Variants in AFDN observed in about 807,000 individuals in gnomAD.
AFDN encodes afadin, adherens junction formation factor, also known as afadin.
AFDN carries 68 observed loss-of-function variants against 216.6 expected under a neutral mutation model. The ratio of observed to expected loss-of-function variants is 0.31; its 90% CI spans 0.26 to 0.38. AFDN has a LOEUF of 0.38. Among genes scored for constraint, AFDN ranks in the 10% least tolerant of loss-of-function variants. AFDN has a pLI of 1.00. For missense variants in AFDN, 2,136 were observed against 2,342.0 expected (o/e 0.91, Z 1.82); for synonymous variants, 868 against 853.7 (o/e 1.02, Z -0.29).
intron 22 of AFDN, 131 bp downstream of exon 22, chr6:167,923,090 A>G: frequency 1.7e-6 from 1 of 599,836 alleles, no homozygotes; most frequent in East Asian, 3.1e-5. Flanking sequence ...AAATACTGAT[A>G]TTCAGAAATT....
chr6:167,878,058 C>T (rs1280616630), intron 5 of AFDN, among the ~76,000 whole-genome samples: 2 of 151,990 alleles, frequency 1.3e-5, no homozygotes, highest in African/African-American at 4.8e-5. Flanking sequence ...ACTCTACTAC[C>T]ATTTATTGTT....
chr6:167,862,586 G>A (rs1783716903), intron 1 of AFDN, among the ~76,000 whole-genome samples: 1 of 152,190 alleles, frequency 6.6e-6, no homozygotes, highest in Non-Finnish European at 1.5e-5. Flanking sequence ...TCTTGGTCAG[G>A]CTGGTCTCGA....
Position 167,952,105 on chromosome 6 carries a change from A to G in AFDN, c.4751A>G (p.Asp1584Gly), listed in dbSNP as rs772774908. Reference protein sequence around the residue: ...QKRLQESKQKDEDDEEEEDDD... With the variant: ...QKRLQESKQKGEDDEEEEDDD... The stretch of plus-strand genomic sequence containing the variant: ...AGACTCCAGGAGTCGAAGCAGAAGG[A>G]CGAAGATGACGAGGAGGAGGAGGAC... The change falls in exon 30 of 34, where the codon GAC becomes GGC. Residue 1584 changes from aspartate (D) to glycine (G), a missense_variant. Around this residue, in one of 8 missense-constraint regions of AFDN, gnomAD observed 981 missense variants for 966.0 expected, o/e 1.02. Transcript: ENST00000683244. The G allele has an allele frequency of 6.2e-7, 1 of 1,614,156 alleles. No homozygotes were observed. The highest frequency in any genetic ancestry group is 8.5e-7 in the Non-Finnish European group (1 of 1,180,022).
intron 2 of AFDN, among the ~76,000 whole-genome samples, chr6:167,866,796 C>T (rs749450450): frequency 5.9e-5 from 9 of 152,160 alleles, no homozygotes; most frequent in African/African-American, 1.2e-4. Context: ...AGCAGCCACC[C>T]GAACCAGTTC....
intron 22 of AFDN, among the ~76,000 whole-genome samples, chr6:167,924,263 A>AGT (rs1329942423): frequency 6.6e-6 from 1 of 152,264 alleles, no homozygotes; most frequent in East Asian, 1.9e-4. Context: ...GTTCCTCCTT[A>AGT]GTGTGTATGC....
At chr6:167,840,879 G>A (rs910407060) in intron 1 of AFDN, among the ~76,000 whole-genome samples, 5 of 152,192 alleles carry the variant, frequency 3.3e-5, no homozygotes, top group African/African-American at 1.2e-4. Context: ...GGAGTGAAGG[G>A]AGGGAAGTTA....
intron 1 of AFDN, among the ~76,000 whole-genome samples, chr6:167,861,982 T>A (rs939159815): frequency 1.3e-5 from 2 of 152,222 alleles, no homozygotes; most frequent in Non-Finnish European, 2.9e-5. Context: ...GGGGTAGTTT[T>A]GCCAATGAAT....
rs533171590 is a variant in AFDN, at chr6:167,886,951, G to T, written c.898-2264G>T. Among the ~76,000 whole-genome samples the T allele has an allele frequency of 2.3e-3, 346 of 151,064 alleles. 3 individuals carry two copies. The highest frequency in any genetic ancestry group is 3.6e-3 in the Non-Finnish European group (246 of 67,840). The stretch of plus-strand genomic sequence containing the variant: ...AATCACTTGAACCCAGGAGGCGGAG[G>T]TTGCAGTGAGCTGAGATCGCACCAC... On this transcript the variant is annotated intron_variant, in intron 6 of 33. Coordinates refer to ENST00000683244, the MANE Select transcript of AFDN (RefSeq NM_001386888.1).
At chr6:167,833,554 C>G (rs1780059805) in intron 1 of AFDN, among the ~76,000 whole-genome samples, 1 of 152,180 alleles carries the variant, frequency 6.6e-6, no homozygotes, top group Non-Finnish European at 1.5e-5. Context: ...CAAGAATTTG[C>G]TTTCTCTTTA....
chr6:167,865,945 T>A (rs145340785), intron 2 of AFDN, among the ~76,000 whole-genome samples: 9 of 152,282 alleles, frequency 5.9e-5, no homozygotes, highest in Non-Finnish European at 1.3e-4. Flanking sequence ...TTGTTGTTGT[T>A]TGTTTACTTT....
chr6:167,913,410 A>G lies in AFDN; in HGVS notation c.2045A>G (p.Asp682Gly). The change falls in exon 16 of 34, where the codon GAC (aspartate) becomes GGC (glycine). Residue 682 changes from aspartate to glycine, a missense_variant. By Grantham distance (94) the Asp-to-Gly change is moderately conservative. Transcript: ENST00000683244. Reference protein sequence around the residue: ...SMMEGVIQEVDQVDQKQKNIA... With the variant: ...SMMEGVIQEVGQVDQKQKNIA... ...TCGTCTGTTTTTCTCCAGGAAGTAG[A>G]CCAGGTTGACCAGGTAGGACATCTG... 1 of 1,535,882 alleles carries G rather than the reference A, an allele frequency of 6.5e-7. No homozygotes were observed. The highest frequency in any genetic ancestry group is 8.7e-7 in the Non-Finnish European group (1 of 1,146,806).
intron 30 of AFDN, among the ~76,000 whole-genome samples, chr6:167,955,631 T>A (rs1180372096): frequency 2.6e-5 from 4 of 152,198 alleles, no homozygotes; most frequent in African/African-American, 9.7e-5. Context: ...TCTTATACTA[T>A]GAAGAATTCT....
intron 1 of AFDN, among the ~76,000 whole-genome samples, chr6:167,847,732 C>G (rs1056011075): frequency 3.3e-5 from 5 of 152,202 alleles, no homozygotes; most frequent in Admixed American, 6.5e-5. Context: ...CTGGGTTGTT[C>G]CAGTAACCTC....
intron 6 of AFDN, among the ~76,000 whole-genome samples, chr6:167,886,370 G>T (rs1195670514): frequency 6.6e-6 from 1 of 152,164 alleles, no homozygotes; most frequent in Non-Finnish European, 1.5e-5. Context: ...GATAAACAGT[G>T]TCATGAACTA....
At chr6:167,930,287 GT>G (rs1247704756) in intron 23 of AFDN, among the ~76,000 whole-genome samples, 1 of 152,076 alleles carries the variant, frequency 6.6e-6, no homozygotes, top group Non-Finnish European at 1.5e-5. Flanking sequence ...GCTCATGAAA[GT>G]TTTTTTTACC....
At chr6:167,948,977 T>C (rs768493376) in intron 29 of AFDN, among the ~76,000 whole-genome samples, 18 of 152,066 alleles carry the variant, frequency 1.2e-4, no homozygotes, top group Non-Finnish European at 2.4e-4. Context: ...CACAGAGATG[T>C]GTAGTAGTTC....
At chr6:167,845,302 G>GT (rs1781536668) in intron 1 of AFDN, among the ~76,000 whole-genome samples, 1 of 152,058 alleles carries the variant, frequency 6.6e-6, no homozygotes, top group Non-Finnish European at 1.5e-5. Flanking sequence ...GTTTTACTGT[G>GT]TTTATAAATA....
chr6:167,898,273 G>T lies in AFDN; in HGVS notation c.1386G>T (p.Thr462=). Residue 462 remains threonine (T), a synonymous_variant, in exon 11 of 34, where the codon ACG becomes ACT. Transcript: ENST00000683244. ...LTNMDGVVTV[T]PRSMDAETYV... The stretch of plus-strand genomic sequence containing the variant: ...ACATGGATGGAGTGGTCACTGTGAC[G>T]CCCAGAAGTATGGACGCAGAAACCT... The T allele has an allele frequency of 6.2e-7, 1 of 1,614,088 alleles. No homozygotes were observed. Among genetic ancestry groups the T allele is most frequent in the East Asian group, 2.2e-5 (1 of 44,860 alleles).
intron 23 of AFDN, among the ~76,000 whole-genome samples, chr6:167,934,268 T>G (rs1254836318): frequency 6.6e-6 from 1 of 152,192 alleles, no homozygotes; most frequent in Non-Finnish European, 1.5e-5. Context: ...GAGCTGGAAC[T>G]ACAGCCTTGC....
Sources: allele counts gnomAD v4.1 joint callset (sites outside exome capture counted in the v4.1 genomes callset), GRCh38; gene constraint gnomAD v4.1.1; regional missense constraint gnomAD v4.1.1; transcripts MANE v1.5; gene names NCBI Gene and HGNC (gene_info 2026-07-23, HGNC 2026-07-21).